The following PPP1R9A variants were observed in gnomAD, a reference collection of about 807,000 sequenced individuals.
PPP1R9A encodes neurabin-1.
PPP1R9A carries 59 observed loss-of-function variants against 141.9 expected under a neutral mutation model. The ratio of observed to expected loss-of-function variants is 0.42; its 90% CI spans 0.34 to 0.52. The LOEUF (loss-of-function observed/expected upper bound fraction) is 0.52. Among genes scored for constraint, PPP1R9A ranks in the 20% least tolerant of loss-of-function variants. The probability of loss-of-function intolerance (pLI) is 0.10; values close to 1 mark genes in which losing one functional copy is unlikely to be tolerated. For synonymous variants in PPP1R9A, 500 were observed against 569.7 expected (o/e 0.88, Z 1.74); for missense variants, 1,444 against 1,611.9 (o/e 0.90, Z 1.78).
chr7:95,133,210 C>A (rs1358136853), intron 4 of PPP1R9A, among the ~76,000 whole-genome samples: 1 of 152,032 alleles, frequency 6.6e-6, no homozygotes, highest in African/African-American at 2.4e-5. Context: ...GAAAAAGCAC[C>A]ATTCAATTGG....
At chr7:95,271,478 C>T (rs1229246173) in intron 14 of PPP1R9A, among the ~76,000 whole-genome samples, 5 of 152,096 alleles carry the variant, frequency 3.3e-5, no homozygotes, top group Non-Finnish European at 7.4e-5. Flanking sequence ...ATGGTCTTGT[C>T]ATTAACAGAA....
chr7:95,203,279 C>A (rs1789978679), intron 6 of PPP1R9A, among the ~76,000 whole-genome samples: 1 of 151,724 alleles, frequency 6.6e-6, no homozygotes, highest in Non-Finnish European at 1.5e-5. Flanking sequence ...ATAATGGAAG[C>A]TTTGGTTTGC....
intron 4 of PPP1R9A, among the ~76,000 whole-genome samples, chr7:95,121,972 T>C (rs971292776): frequency 1.3e-5 from 2 of 152,150 alleles, no homozygotes; most frequent in South Asian, 4.1e-4. Flanking sequence ...ATAATAAAAG[T>C]AGACCCAAAT....
chr7:94,910,734 A>G lies in PPP1R9A; in HGVS notation c.621A>G (p.Ala207=), dbSNP rs1289541948. 6 of 1,614,068 alleles carry G rather than the reference A, an allele frequency of 3.7e-6. No individual in the cohort carries two copies. Among genetic ancestry groups the G allele is most frequent in the South Asian group, 2.2e-5 (2 of 91,090 alleles). Residue 207 remains alanine, a synonymous_variant, in exon 2 of 20, where the codon GCA becomes GCG. Coordinates refer to ENST00000433360, the MANE Select transcript of PPP1R9A (RefSeq NM_001166160.2). The surrounding 1 kb of genome is among the most constrained non-coding windows in gnomAD (Gnocchi z 4.5). ...AVSPTVSQLS[A]VFENTDSPSA... is the part of the protein sequence containing the mutation. Reference sequence around the variant, plus strand: ...CCCCAACTGTGAGTCAACTGAGTGCAGTATTTGAGAACACTGATTCTCCCA... The same window carrying G: ...CCCCAACTGTGAGTCAACTGAGTGCGGTATTTGAGAACACTGATTCTCCCA...
At chr7:95,285,607 C>G (rs1452694297) in intron 17 of PPP1R9A, among the ~76,000 whole-genome samples, 1 of 152,202 alleles carries the variant, frequency 6.6e-6, no homozygotes, top group East Asian at 1.9e-4. Context: ...TGTGTGGCAG[C>G]CTCTCTGATG....
intron 2 of PPP1R9A, among the ~76,000 whole-genome samples, chr7:94,986,653 G>A (rs2151386184): frequency 6.6e-6 from 1 of 152,298 alleles, no homozygotes; most frequent in South Asian, 2.1e-4. Flanking sequence ...TTGAGGTGCT[G>A]CATATCTTAA....
intron 12 of PPP1R9A, among the ~76,000 whole-genome samples, chr7:95,257,810 T>G (rs1222725108): frequency 1.3e-5 from 2 of 152,186 alleles, no homozygotes; most frequent in Non-Finnish European, 2.9e-5. Flanking sequence ...AATGATGGTT[T>G]CCAGCTTCAT....
At chr7:95,181,939 C>G (rs965941325) in intron 5 of PPP1R9A, among the ~76,000 whole-genome samples, 3 of 151,246 alleles carry the variant, frequency 2.0e-5, no homozygotes, top group Non-Finnish European at 4.4e-5. Flanking sequence ...ACAGAAAAAC[C>G]AAACATTGTA....
intron 2 of PPP1R9A, among the ~76,000 whole-genome samples, chr7:94,962,056 C>T (rs1797703943): frequency 6.6e-6 from 1 of 151,820 alleles, no homozygotes; most frequent in Non-Finnish European, 1.5e-5. Context: ...CAACTAATCC[C>T]CTAGTCTTAA....
intron 2 of PPP1R9A, among the ~76,000 whole-genome samples, chr7:95,011,906 A>G (rs372552300): frequency 6.6e-6 from 1 of 152,222 alleles, no homozygotes; most frequent in South Asian, 2.1e-4. Flanking sequence ...TATGTTATTT[A>G]ATGTGAATAA....
chr7:95,244,684 A>G (rs879297987), intron 8 of PPP1R9A, among the ~76,000 whole-genome samples: 1 of 152,146 alleles, frequency 6.6e-6, no homozygotes, highest in Non-Finnish European at 1.5e-5. Flanking sequence ...TTTAAATTGA[A>G]TCAGAGGTGT....
intron 2 of PPP1R9A, among the ~76,000 whole-genome samples, chr7:95,082,137 A>G (rs1479188327): frequency 6.6e-6 from 1 of 152,134 alleles, no homozygotes; most frequent in African/African-American, 2.4e-5. Context: ...GGTGTGAAAG[A>G]GGGGTGTTTG....
In PPP1R9A at chr7:95,288,447, C is replaced by T. The variant is rs530432673; in HGVS notation, c.3730-89C>T. Reference sequence around the variant, plus strand: ...TTTTGGTTTAAACATAAATGTGGCTCTCATAGGTTAAGAAATTCCTTTTGA... The same window carrying T: ...TTTTGGTTTAAACATAAATGTGGCTTTCATAGGTTAAGAAATTCCTTTTGA... On this transcript the variant is annotated intron_variant, in intron 18 of 19. Coordinates refer to ENST00000433360, the MANE Select transcript of PPP1R9A (RefSeq NM_001166160.2). The T allele has an allele frequency of 3.3e-6, 5 of 1,509,908 alleles. No individual in the cohort carries two copies. The East Asian group carries it at 6.8e-5, about 21-fold the overall frequency. 93.5% of individuals were successfully genotyped at this position (1,509,908 alleles called of 1,614,324 possible). A position where few individuals can be genotyped will look rare whatever the true frequency, so the allele number is the denominator to read the frequency against.
At chr7:95,002,154 C>T (rs1803025504) in intron 2 of PPP1R9A, among the ~76,000 whole-genome samples, 1 of 152,070 alleles carries the variant, frequency 6.6e-6, no homozygotes, top group African/African-American at 2.4e-5. Flanking sequence ...CTTACTAACC[C>T]CCAGTGATTA....
chr7:94,910,711 C>G lies in PPP1R9A; in HGVS notation c.598C>G (p.Pro200Ala). ...SLSSRTEAVSPTVSQLSAVFE... is the reference protein window; with the variant it reads ...SLSSRTEAVSATVSQLSAVFE... ...TAGCTCCCGAACTGAGGCTGTCTCC[C>G]CAACTGTGAGTCAACTGAGTGCAGT... is the stretch of plus-strand genomic sequence containing the variant. Residue 200 changes from proline to alanine, a missense_variant, in exon 2 of 20, where the codon CCA becomes GCA. Around this residue, in one of 5 missense-constraint regions of PPP1R9A, gnomAD observed 490 missense variants for 521.1 expected, o/e 0.94. Coordinates refer to ENST00000433360, the MANE Select transcript of PPP1R9A (RefSeq NM_001166160.2). This position sits in a 1 kb window ranked among gnomAD's most constrained non-coding sequence, Gnocchi z 4.5. The G allele has an allele frequency of 6.2e-7, 1 of 1,614,144 alleles. No homozygotes were observed. The highest frequency in any genetic ancestry group is 1.1e-5 in the South Asian group (1 of 91,078).
chr7:94,991,848 C>T (rs1279357688), intron 2 of PPP1R9A, among the ~76,000 whole-genome samples: 4 of 152,104 alleles, frequency 2.6e-5, no homozygotes, highest in African/African-American at 4.8e-5. Context: ...GATGAGGTTT[C>T]GCCATGTTGC....
chr7:95,048,789 C>T (rs1018730313), intron 2 of PPP1R9A, among the ~76,000 whole-genome samples: 21 of 152,162 alleles, frequency 1.4e-4, no homozygotes, highest in Admixed American at 3.9e-4. Flanking sequence ...TTGTGATCTG[C>T]GCACCTCAGC....
intron 18 of PPP1R9A, chr7:95,287,088 C>A (rs781684762): frequency 1.2e-6 from 2 of 1,606,564 alleles, no homozygotes; most frequent in Admixed American, 1.7e-5. Context: ...CTTCTTGATT[C>A]TTTTATTGCT....
intron 12 of PPP1R9A, among the ~76,000 whole-genome samples, chr7:95,265,721 A>G (rs1801190298): frequency 1.3e-5 from 2 of 152,212 alleles, no homozygotes; most frequent in African/African-American, 2.4e-5. Context: ...AATTATTTTT[A>G]GAATGGAATA....
Sources: allele counts gnomAD v4.1 joint callset (sites outside exome capture counted in the v4.1 genomes callset), GRCh38; gene constraint gnomAD v4.1.1; regional missense constraint gnomAD v4.1.1; non-coding constraint Gnocchi (gnomAD v3.1); transcripts MANE v1.5; gene names NCBI Gene and HGNC (gene_info 2026-07-23, HGNC 2026-07-21).